C1orf21: variants seen among roughly 807,000 people sequenced by gnomAD.
C1orf21 encodes uncharacterized protein C1orf21.
A neutral mutation model predicts 18.7 loss-of-function variants in C1orf21; 3 were observed. That is an observed-to-expected ratio of 0.16 (90% CI 0.07 to 0.42). The LOEUF (loss-of-function observed/expected upper bound fraction) is 0.42, where lower values mean the gene tolerates loss of function less well. Among genes scored for constraint, C1orf21 ranks in the 10% least tolerant of loss-of-function variants. C1orf21 has a pLI of 0.99. For synonymous variants in C1orf21, 41 were observed against 46.4 expected (o/e 0.88, Z 0.47); for missense variants, 104 against 143.6 (o/e 0.72, Z 1.41).
At chr1:184,495,574 T>C (rs548271196) in intron 2 of C1orf21, among the ~76,000 whole-genome samples, 1 of 152,178 alleles carries the variant, frequency 6.6e-6, no homozygotes, top group African/African-American at 2.4e-5. Context: ...ACTACCAGCA[T>C]CACCATCAAA....
At chr1:184,402,647 CA>C (rs1453773809) in intron 1 of C1orf21, among the ~76,000 whole-genome samples, 3 of 151,764 alleles carry the variant, frequency 2.0e-5, no homozygotes, top group Non-Finnish European at 4.4e-5. Context: ...ATCTTTTTCC[CA>C]CTGATTTGAG....
chr1:184,439,392 G>T (rs547264545), intron 1 of C1orf21, among the ~76,000 whole-genome samples: 1 of 150,722 alleles, frequency 6.6e-6, no homozygotes. Context: ...GTTCAGTGAG[G>T]ATAATGAAAT....
At chr1:184,511,728 C>T (rs937452199) in intron 3 of C1orf21, among the ~76,000 whole-genome samples, 15 of 152,086 alleles carry the variant, frequency 9.9e-5, no homozygotes, top group Admixed American at 4.6e-4. Context: ...GTCACAGTTC[C>T]GCATGGCTGG....
At chr1:184,412,546 T>C (rs938209734) in intron 1 of C1orf21, among the ~76,000 whole-genome samples, 2 of 152,202 alleles carry the variant, frequency 1.3e-5, no homozygotes, top group African/African-American at 4.8e-5. Flanking sequence ...AATTTGCAAA[T>C]CTGGCCCTGA....
At chr1:184,398,298 CACAG>C (rs1401927599) in intron 1 of C1orf21, among the ~76,000 whole-genome samples, 7 of 152,208 alleles carry the variant, frequency 4.6e-5, no homozygotes, top group South Asian at 2.1e-4. Context: ...ACCTCTTCTT[CACAG>C]ACAGAGAATG....
At chr1:184,410,319 A>G (rs1412057418) in intron 1 of C1orf21, among the ~76,000 whole-genome samples, 1 of 151,886 alleles carries the variant, frequency 6.6e-6, no homozygotes, top group African/African-American at 2.4e-5. Flanking sequence ...TTGATTTTAT[A>G]CTTTTGTCCT....
At chr1:184,571,311 A>G (rs935793739) in intron 3 of C1orf21, among the ~76,000 whole-genome samples, 12 of 151,752 alleles carry the variant, frequency 7.9e-5, no homozygotes, top group African/African-American at 2.9e-4. Flanking sequence ...AAAAAAAAAA[A>G]AAAAAAAGAA....
At chr1:184,485,273 A>G (rs190980899) in intron 2 of C1orf21, among the ~76,000 whole-genome samples, 12 of 152,308 alleles carry the variant, frequency 7.9e-5, no homozygotes, top group Admixed American at 6.5e-4. Context: ...TTAAATGAAT[A>G]TTTAATATGA....
At chr1:184,547,420 CTTTTT>C (rs34169321) in intron 3 of C1orf21, among the ~76,000 whole-genome samples, 4 of 102,960 alleles carry the variant, frequency 3.9e-5, no homozygotes, top group African/African-American at 4.4e-5. Context: ...TACATCCAGA[CTTTTT>C]TTTTTTTTTT....
At chr1:184,399,582 T>C (rs934337290) in intron 1 of C1orf21, among the ~76,000 whole-genome samples, 8 of 152,098 alleles carry the variant, frequency 5.3e-5, no homozygotes, top group Non-Finnish European at 1.0e-4. Flanking sequence ...CTCGAATTCA[T>C]GAGCTCAAGC....
At chr1:184,593,932 C>G (rs951973544) in intron 4 of C1orf21, among the ~76,000 whole-genome samples, 2 of 152,154 alleles carry the variant, frequency 1.3e-5, no homozygotes, top group Non-Finnish European at 2.9e-5. Flanking sequence ...CTGAAATAAT[C>G]TGTCTTTTAA....
intron 2 of C1orf21, among the ~76,000 whole-genome samples, chr1:184,490,246 G>A (rs935410436): frequency 6.6e-6 from 1 of 152,208 alleles, no homozygotes; most frequent in East Asian, 1.9e-4. Flanking sequence ...CTGTAAAGAC[G>A]GGTTAAACCT....
chr1:184,441,001 C>T (rs1023775724), intron 1 of C1orf21, among the ~76,000 whole-genome samples: 1 of 152,140 alleles, frequency 6.6e-6, no homozygotes, highest in African/African-American at 2.4e-5. Context: ...TTTTGTTTGA[C>T]CTAATGTCCT....
intron 1 of C1orf21, among the ~76,000 whole-genome samples, chr1:184,392,660 C>G (rs1463330728): frequency 1.3e-5 from 2 of 152,060 alleles, no homozygotes; most frequent in Non-Finnish European, 2.9e-5. Context: ...ACTCAGGCTC[C>G]CAGCATCCAG....
intron 3 of C1orf21, among the ~76,000 whole-genome samples, chr1:184,569,644 G>A (rs996564554): frequency 5.3e-5 from 8 of 152,272 alleles, no homozygotes; most frequent in African/African-American, 1.9e-4. Context: ...ATCACCTGAG[G>A]CCAGGAGTTC....
intron 3 of C1orf21, among the ~76,000 whole-genome samples, chr1:184,574,410 C>G (rs1659157435): frequency 6.6e-6 from 1 of 152,124 alleles, no homozygotes; most frequent in Non-Finnish European, 1.5e-5. Context: ...ATATATATGT[C>G]ACTGAATTAA....
At chr1:184,394,707 T>C (rs1656023217) in intron 1 of C1orf21, among the ~76,000 whole-genome samples, 1 of 152,232 alleles carries the variant, frequency 6.6e-6, no homozygotes, top group Non-Finnish European at 1.5e-5. Flanking sequence ...CTTCAGTGGT[T>C]CTATCTCAAA....
intron 1 of C1orf21, among the ~76,000 whole-genome samples, chr1:184,464,320 G>A (rs995400110): frequency 6.6e-6 from 1 of 152,174 alleles, no homozygotes; most frequent in African/African-American, 2.4e-5. Flanking sequence ...ATAATATCCT[G>A]CACTATGATG....
At chr1:184,530,353 G>A (rs1658441482) in intron 3 of C1orf21, among the ~76,000 whole-genome samples, 1 of 152,078 alleles carries the variant, frequency 6.6e-6, no homozygotes, top group Non-Finnish European at 1.5e-5. Context: ...TTAGCATTAA[G>A]AATGGTGCCT....
Sources: gnomAD v4.1 joint callset for allele counts (sites outside exome capture counted in the v4.1 genomes callset) on GRCh38, gnomAD v4.1.1 for gene constraint, MANE v1.5 for transcripts, NCBI Gene and HGNC (gene_info 2026-07-23, HGNC 2026-07-21) for gene names.